Variants in MIP observed in about 807,000 individuals in gnomAD.
The protein encoded by MIP is major intrinsic protein of lens fiber, also known as lens fiber major intrinsic protein.
Under a neutral mutation model 21.8 loss-of-function variants are expected in MIP, and 14 were observed. That is an observed-to-expected ratio of 0.64 (90% CI 0.42 to 1.00). The LOEUF (loss-of-function observed/expected upper bound fraction) is 1.00. MIP is among the 50% of genes least tolerant of loss of function. The probability of loss-of-function intolerance (pLI) is 0.00; values close to 1 mark genes in which losing one functional copy is unlikely to be tolerated. For missense variants in MIP, 260 were observed against 333.5 expected (o/e 0.78, Z 1.72); for synonymous variants, 133 against 141.4 (o/e 0.94, Z 0.42).
At chr12:56,454,716 G>A (rs1244668392), upstream of MIP, 2 of 1,464,382 alleles carry the variant, frequency 1.4e-6, no homozygotes, top group Non-Finnish European at 1.9e-6. Context: ...GGGAGGGGCA[G>A]GCTGAGGTAG....
chr12:56,452,843 C>T, intron 3 of MIP: 2 of 582,414 alleles, frequency 3.4e-6, no homozygotes, highest in Non-Finnish European at 3.1e-6. Flanking sequence ...ATACTCAGTG[C>T]ATACTCCCTG....
intron 2 of MIP, 51 bp downstream of exon 2, chr12:56,453,540 T>C (rs779492470): frequency 1.2e-6 from 2 of 1,610,458 alleles, no homozygotes. Flanking sequence ...TTGGGAAAGG[T>C]TTAGGGGCCC....
Position 56,453,462 on chromosome 12 carries a change from G to A in MIP, c.525+129C>T, listed in dbSNP as rs1046995867. On this transcript the variant is annotated intron_variant, in intron 2 of 3. Coordinates refer to ENST00000652304, the MANE Select transcript of MIP (RefSeq NM_012064.4). Reference sequence around the variant, plus strand: ...GATAGGGCAGAGTTGATTCCTTTGTGCCAGTAGAGAGTGCAATGGACAATG... The same window carrying A: ...GATAGGGCAGAGTTGATTCCTTTGTACCAGTAGAGAGTGCAATGGACAATG... The A allele has an allele frequency of 4.8e-6, 5 of 1,036,080 alleles. No homozygotes were observed. The African/African-American group carries it at 7.9e-5, about 16-fold the overall frequency. The allele number at this position is 1,036,080 out of a possible 1,614,324, so 64.2% of individuals were successfully genotyped here. A position where few individuals can be genotyped will look rare whatever the true frequency, so the allele number is the denominator to read the frequency against.
chr12:56,455,886 TG>T (rs1402049209), upstream of MIP, among the ~76,000 whole-genome samples: 1 of 152,166 alleles, frequency 6.6e-6, no homozygotes, highest in Non-Finnish European at 1.5e-5. Context: ...CCAGTACACC[TG>T]TGGGGAGAGA....
At chr12:56,455,858 G>A (rs1224320233), upstream of MIP, among the ~76,000 whole-genome samples, 1 of 152,164 alleles carries the variant, frequency 6.6e-6, no homozygotes, top group Non-Finnish European at 1.5e-5. Flanking sequence ...CAAGAATGGT[G>A]CCCAGCATGG....
chr12:56,454,737 C>T, upstream of MIP: 3 of 1,186,006 alleles, frequency 2.5e-6, no homozygotes, highest in Non-Finnish European at 2.4e-6. Flanking sequence ...CAGGCCCAGC[C>T]TCTTAACCCC....
At chr12:56,453,884 C>A (rs1592264640) in intron 1 of MIP, 129 bp from the exon 2 acceptor site, 2 of 924,148 alleles carry the variant, frequency 2.2e-6, no homozygotes, top group East Asian at 2.6e-5. Context: ...CAACCCCCTT[C>A]ATAATCATTG....
At chr12:56,454,774 C>T (rs933585592), upstream of MIP, 14 of 776,882 alleles carry the variant, frequency 1.8e-5, no homozygotes, top group Non-Finnish European at 2.4e-5. Flanking sequence ...GCTAAGTCCC[C>T]TCCCCTACAT....
Position 56,451,441 on chromosome 12 carries a change from C to A in MIP, c.631G>T (p.Gly211Ter), listed in dbSNP as rs1114167315. Residue 211 changes from glycine (G) to a stop codon, truncating the protein, a stop_gained, in exon 4 of 4, where the codon GGA becomes TGA. Transcript: ENST00000652304. LOFTEE classifies it high-confidence loss of function. ...TACAGGAGGCTGCCCAGACCCCCTC[C>A]AATGATTGGGCCTACCCAGTACACC... is the stretch of plus-strand genomic sequence containing the variant. ...HWVYWVGPII[G>*]GGLGSLLYDF... The A allele has an allele frequency of 9.3e-6, 15 of 1,614,130 alleles. No homozygotes were observed. Among genetic ancestry groups the A allele is most frequent in the Non-Finnish European group, 1.3e-5 (15 of 1,180,022 alleles).
At chr12:56,451,859 G>T (rs555380613) in intron 3 of MIP, among the ~76,000 whole-genome samples, 17 of 152,240 alleles carry the variant, frequency 1.1e-4, no homozygotes, top group Admixed American at 5.9e-4. Flanking sequence ...CTGACCAACA[G>T]GGAGAAACCC....
chr12:56,451,250 C>T lies in MIP; in HGVS notation c.*30G>A. ...AAACCCCTCCACGTAAACTCAGAAG[C>T]TTTCTACTCCCTCTATTCAGCTGGA... is the stretch of plus-strand genomic sequence containing the variant. On this transcript the variant is annotated 3_prime_UTR_variant, in exon 4 of 4. Coordinates refer to ENST00000652304, the MANE Select transcript of MIP (RefSeq NM_012064.4). 1 of 1,609,954 alleles carries T rather than the reference C, an allele frequency of 6.2e-7. No individual in the cohort carries two copies. Among genetic ancestry groups the T allele is most frequent in the South Asian group, 1.1e-5 (1 of 90,934 alleles).
Position 56,451,276 on chromosome 12 carries a change from G to T in MIP, c.*4C>A. On this transcript the variant is annotated 3_prime_UTR_variant, in exon 4 of 4. Coordinates refer to ENST00000652304, the MANE Select transcript of MIP (RefSeq NM_012064.4). Reference sequence around the variant, plus strand: ...TTTCTACTCCCTCTATTCAGCTGGAGCTTCTACAGGGCCTGGGTGTTCAGT... The same window carrying T: ...TTTCTACTCCCTCTATTCAGCTGGATCTTCTACAGGGCCTGGGTGTTCAGT... The T allele has an allele frequency of 6.2e-7, 1 of 1,613,110 alleles. No homozygotes were observed. The highest frequency in any genetic ancestry group is 8.5e-7 in the Non-Finnish European group (1 of 1,179,818).
chr12:56,451,433 A>C lies in MIP; in HGVS notation c.639T>G (p.Gly213=). The C allele has an allele frequency of 6.2e-7, 1 of 1,613,936 alleles. No homozygotes were observed. The change falls in exon 4 of 4, where the codon GGT becomes GGG. Residue 213 remains glycine (G), a synonymous_variant. Transcript: ENST00000652304. The part of the protein sequence containing the change: ...VYWVGPIIGG[G]LGSLLYDFLL... Reference sequence around the variant, plus strand: ...GAAAGTCGTACAGGAGGCTGCCCAGACCCCCTCCAATGATTGGGCCTACCC... The same window carrying C: ...GAAAGTCGTACAGGAGGCTGCCCAGCCCCCCTCCAATGATTGGGCCTACCC...
In MIP at chr12:56,450,843, C is replaced by G; in HGVS notation, c.*437G>C. The G allele has an allele frequency of 1.1e-5, 2 of 185,538 alleles. No homozygotes were observed. The highest frequency in any genetic ancestry group is 2.3e-5 in the Non-Finnish European group (2 of 86,894). 11.5% of individuals were successfully genotyped at this position (185,538 alleles called of 1,614,324 possible). ...GTGTGAGGAGTAACTCCCTGCTTCT[C>G]TGTTCCCTCAGAAATCAAGAGCCAC... is the stretch of plus-strand genomic sequence containing the variant. On this transcript the variant is annotated 3_prime_UTR_variant, in exon 4 of 4. Coordinates refer to ENST00000652304, the MANE Select transcript of MIP (RefSeq NM_012064.4).
In MIP at chr12:56,453,775, G is replaced by C. The variant is rs757754892; in HGVS notation, c.361-20C>G. ...GTGCAACTGTGCAAAGGAAGAAGAA[G>C]AGAGACAGCTCAGGAGGGCTGCCAC... On this transcript the variant is annotated intron_variant, in intron 1 of 3. Coordinates refer to ENST00000652304, the MANE Select transcript of MIP (RefSeq NM_012064.4). 8 of 1,609,388 alleles carry C rather than the reference G, an allele frequency of 5.0e-6. No individual in the cohort carries two copies. Among genetic ancestry groups the C allele is most frequent in the Non-Finnish European group, 6.8e-6 (8 of 1,178,218 alleles).
At position 56,453,107 on chromosome 12, in the gene MIP, G is replaced by A; in HGVS notation, c.571C>T (p.Pro191Ser). 8.1e-6 allele frequency: 13 copies of A among 1,613,774 alleles called. No homozygotes were observed. The highest frequency in any genetic ancestry group is 1.1e-5 in the Non-Finnish European group (13 of 1,179,658). ...AGMNPARSFAPAILTGNFTNH... is the reference protein window; with the variant it reads ...AGMNPARSFASAILTGNFTNH... ...GTGAAGTTCCCAGTGAGAATGGCAGGAGCAAAGGAGCGGGCAGGATTCATG... is the reference window on the plus strand; with the variant it reads ...GTGAAGTTCCCAGTGAGAATGGCAGAAGCAAAGGAGCGGGCAGGATTCATG... The change falls in exon 3 of 4, where the codon CCT becomes TCT. Residue 191 changes from proline to serine, a missense_variant. Pro to Ser is a moderately conservative substitution (Grantham distance 74). Transcript: ENST00000652304.
upstream of MIP, among the ~76,000 whole-genome samples, chr12:56,455,993 A>C (rs967511057): frequency 1.3e-5 from 2 of 152,194 alleles, no homozygotes; most frequent in African/African-American, 2.4e-5. Context: ...GGGTCCATCT[A>C]ACCTATCCAC....
rs752591779 is a variant in MIP, at chr12:56,451,508, A to G, written c.607-43T>C. ...GAATACTCAGGCTTGGGGAGGGGAC[A>G]GAGTAGCAACGCTGCTCTTTTTCCA... On this transcript the variant is annotated intron_variant, in intron 3 of 3. Transcript: ENST00000652304. 5.7e-6 allele frequency: 9 copies of G among 1,570,262 alleles called. No homozygotes were observed. The East Asian group carries it at 1.8e-4, about 31-fold the overall frequency.
rs1350818525 is a variant in MIP at position 56,454,325 on chromosome 12, C to A, written c.289G>T (p.Ala97Ser). The A allele has an allele frequency of 6.2e-7, 1 of 1,613,852 alleles. No homozygotes were observed. Among genetic ancestry groups the A allele is most frequent in the Non-Finnish European group, 8.5e-7 (1 of 1,180,022 alleles). The part of the protein sequence containing the change: ...FCYMAAQLLG[A>S]VAGAAVLYSV... ...TACAGCACAGCGGCCCCAGCCACAG[C>A]TCCCAGGAGCTGGGCTGCCATATAG... Residue 97 changes from alanine to serine, a missense_variant, in exon 1 of 4, where the codon GCT becomes TCT. Transcript: ENST00000652304.
Sources: gnomAD v4.1 joint callset for allele counts (sites outside exome capture counted in the v4.1 genomes callset) on GRCh38, gnomAD v4.1.1 for gene constraint, MANE v1.5 for transcripts, NCBI Gene and HGNC (gene_info 2026-07-23, HGNC 2026-07-21) for gene names.